MORN5: variants seen among roughly 807,000 people sequenced by gnomAD.
MORN5 encodes MORN repeat containing 5.
In MORN5, 21 loss-of-function variants were observed where a neutral mutation model predicts 22.1. That is an observed-to-expected ratio of 0.95 (90% CI 0.67 to 1.37). The LOEUF is 1.37. MORN5 is among the 40% of genes most tolerant of loss of function. MORN5 has a pLI of 0.00. For synonymous variants in MORN5, 73 were observed against 74.0 expected, an observed-to-expected ratio of 0.99 and a Z score of 0.07; for missense variants, 211 against 215.1, an observed-to-expected ratio of 0.98 and a Z score of 0.12.
chr9:122,192,253 T>C lies in MORN5; in HGVS notation c.440-7632T>C, dbSNP rs181650930. Among the ~76,000 whole-genome samples, 19 of 152,356 alleles carry C rather than the reference T, an allele frequency of 1.2e-4. No homozygotes were observed. In the East Asian group the frequency reaches 3.7e-3, roughly 29 times the overall value. On this transcript the variant is annotated intron_variant, in intron 4 of 4. Coordinates refer to ENST00000373764, the MANE Select transcript of MORN5 (RefSeq NM_198469.4). ...ACAAGTTAACTTCTGGCGTTTCTTT[T>C]GGTTTTTGGCATTTCCTGTGCCCCA... is the stretch of plus-strand genomic sequence containing the variant.
At chr9:122,183,656 C>T (rs1055831986) in intron 4 of MORN5, among the ~76,000 whole-genome samples, 6 of 152,162 alleles carry the variant, frequency 3.9e-5, no homozygotes, top group Admixed American at 6.5e-5. Flanking sequence ...TCAAGATTCC[C>T]GCCAACATTA....
intron 3 of MORN5, among the ~76,000 whole-genome samples, chr9:122,172,208 G>A (rs573245722): frequency 6.6e-6 from 1 of 151,028 alleles, no homozygotes; most frequent in South Asian, 2.1e-4. Context: ...CTGGCCTCAA[G>A]CAACCTTCCC....
At chr9:122,182,085 C>CA (rs1829544489) in intron 4 of MORN5, among the ~76,000 whole-genome samples, 1 of 152,214 alleles carries the variant, frequency 6.6e-6, no homozygotes, top group Non-Finnish European at 1.5e-5. Flanking sequence ...ACTTTGGGAT[C>CA]TGCAAATGCT....
chr9:122,192,042 T>G (rs1829780418), intron 4 of MORN5, among the ~76,000 whole-genome samples: 1 of 152,234 alleles, frequency 6.6e-6, no homozygotes, highest in African/African-American at 2.4e-5. Flanking sequence ...CAGTCCTCAC[T>G]CTGCCCTCTG....
chr9:122,181,292 G>A (rs1386985897), intron 4 of MORN5, among the ~76,000 whole-genome samples: 3 of 152,132 alleles, frequency 2.0e-5, no homozygotes, highest in East Asian at 3.8e-4. Context: ...TCTGGTACCC[G>A]CCTTAAAGCC....
At chr9:122,167,245 A>C (rs542689751) in intron 2 of MORN5, among the ~76,000 whole-genome samples, 57 of 147,694 alleles carry the variant, frequency 3.9e-4, no homozygotes, top group Non-Finnish European at 7.0e-4. Context: ...ATTGGGTTTC[A>C]CCATGTTTGC....
chr9:122,192,156 C>A (rs1442379118), intron 4 of MORN5, among the ~76,000 whole-genome samples: 1 of 152,214 alleles, frequency 6.6e-6, no homozygotes, highest in Non-Finnish European at 1.5e-5. Flanking sequence ...GCATCGGATC[C>A]AGGCTTGTTC....
chr9:122,174,086 G>A (rs998965555), intron 3 of MORN5, among the ~76,000 whole-genome samples: 1 of 152,188 alleles, frequency 6.6e-6, no homozygotes, highest in African/African-American at 2.4e-5. Context: ...CCAGAGTGGG[G>A]CTTAAGGATC....
intron 4 of MORN5, among the ~76,000 whole-genome samples, chr9:122,182,418 T>C (rs1439028583): frequency 6.6e-6 from 1 of 152,262 alleles, no homozygotes; most frequent in East Asian, 1.9e-4. Flanking sequence ...GAAAGCTTAT[T>C]GTGGAGGATC....
chr9:122,182,509 G>A (rs1829551608), intron 4 of MORN5, among the ~76,000 whole-genome samples: 3 of 152,222 alleles, frequency 2.0e-5, no homozygotes, highest in South Asian at 2.1e-4. Flanking sequence ...CCAGCACTTC[G>A]GGAGGCTGAG....
chr9:122,186,089 A>G (rs1012217554), intron 4 of MORN5, among the ~76,000 whole-genome samples: 2 of 152,218 alleles, frequency 1.3e-5, no homozygotes, highest in Admixed American at 1.3e-4. Flanking sequence ...GCCAAATCAA[A>G]TGCCCGCACC....
chr9:122,177,099 A>T (rs957453089), intron 4 of MORN5, among the ~76,000 whole-genome samples: 6 of 152,208 alleles, frequency 3.9e-5, no homozygotes, highest in Admixed American at 3.9e-4. Flanking sequence ...CTGAGCAGAG[A>T]CCAGCTGGGG....
chr9:122,190,058 AC>A (rs915694463), intron 4 of MORN5, among the ~76,000 whole-genome samples: 7 of 151,290 alleles, frequency 4.6e-5, no homozygotes, highest in Non-Finnish European at 8.8e-5. Context: ...TACGGCTCCC[AC>A]CTGAGACAAC....
chr9:122,185,655 T>C (rs1038794578), intron 4 of MORN5, among the ~76,000 whole-genome samples: 2 of 152,202 alleles, frequency 1.3e-5, no homozygotes, highest in African/African-American at 2.4e-5. Context: ...CCACTGCGCC[T>C]GGCCAATGAA....
intron 4 of MORN5, among the ~76,000 whole-genome samples, chr9:122,196,722 C>T (rs1588321202): frequency 6.6e-6 from 1 of 152,238 alleles, no homozygotes; most frequent in East Asian, 1.9e-4. Flanking sequence ...GAAACTCTCT[C>T]ATCCCACTGT....
intron 4 of MORN5, among the ~76,000 whole-genome samples, chr9:122,198,999 T>C (rs1300919583): frequency 6.6e-6 from 1 of 152,010 alleles, no homozygotes; most frequent in Non-Finnish European, 1.5e-5. Context: ...TTGGTGTAGG[T>C]CCCTGCAGTG....
intron 4 of MORN5, among the ~76,000 whole-genome samples, chr9:122,187,134 G>A (rs969134514): frequency 6.6e-6 from 1 of 152,224 alleles, no homozygotes; most frequent in Non-Finnish European, 1.5e-5. Flanking sequence ...CAAGAACAGC[G>A]GCTGGCCCTA....
intron 4 of MORN5, chr9:122,174,940 C>T (rs1829426767): frequency 1.1e-6 from 1 of 913,002 alleles, no homozygotes; most frequent in Non-Finnish European, 1.3e-6. Flanking sequence ...ATGCTAGACA[C>T]TGTGCTTGGT....
At chr9:122,183,593 C>T (rs1216437483) in intron 4 of MORN5, among the ~76,000 whole-genome samples, 1 of 152,130 alleles carries the variant, frequency 6.6e-6, no homozygotes, top group Non-Finnish European at 1.5e-5. Flanking sequence ...AAATTCTTCC[C>T]CGAAAGGTCT....
Sources: allele counts gnomAD v4.1 joint callset (sites outside exome capture counted in the v4.1 genomes callset), GRCh38; gene constraint gnomAD v4.1.1; transcripts MANE v1.5; gene names NCBI Gene and HGNC (gene_info 2026-07-23, HGNC 2026-07-21).